The following SMYD3 variants were observed in gnomAD, a reference collection of about 807,000 sequenced individuals.
SMYD3 encodes the protein SET and MYND domain containing 3.
SMYD3 carries 36 observed loss-of-function variants against 57.7 expected under a neutral mutation model. The ratio of observed to expected loss-of-function variants is 0.62; its 90% CI spans 0.48 to 0.82. SMYD3 has a LOEUF of 0.82. Among genes scored for constraint, SMYD3 ranks in the 40% least tolerant of loss-of-function variants. The pLI, the probability that SMYD3 is intolerant of heterozygous loss-of-function variation, is 0.00. For synonymous variants in SMYD3, 211 were observed against 195.0 expected, an observed-to-expected ratio of 1.08 and a Z score of -0.68; for missense variants, 515 against 538.8, an observed-to-expected ratio of 0.96 and a Z score of 0.44.
chr1:245,950,379 T>G (rs1223728955), intron 5 of SMYD3, among the ~76,000 whole-genome samples: 1 of 152,198 alleles, frequency 6.6e-6, no homozygotes, highest in Non-Finnish European at 1.5e-5. Context: ...TCCCTGTACC[T>G]ATCGCCATGG....
At chr1:246,010,573 G>A (rs1572887315) in intron 5 of SMYD3, among the ~76,000 whole-genome samples, 1 of 152,198 alleles carries the variant, frequency 6.6e-6, no homozygotes, top group Non-Finnish European at 1.5e-5. Flanking sequence ...TTGGCAAGCA[G>A]CTGAGTTATC....
At chr1:245,846,702 T>C (rs2050682258) in intron 10 of SMYD3, among the ~76,000 whole-genome samples, 1 of 152,132 alleles carries the variant, frequency 6.6e-6, no homozygotes, top group Non-Finnish European at 1.5e-5. Context: ...TCTTAATAAA[T>C]AACAGCAATT....
rs150364154 is a variant in SMYD3 at position 246,473,279 on chromosome 1, T to C, written c.164+33775A>G. 4.2e-3 allele frequency among the ~76,000 whole-genome samples: 641 copies of C among 152,332 alleles called. 2 individuals carry two copies. Among genetic ancestry groups the C allele is most frequent in the African/African-American group, 0.014 (598 of 41,588 alleles). On this transcript the variant is annotated intron_variant, in intron 1 of 11. Coordinates refer to ENST00000490107, the MANE Select transcript of SMYD3 (RefSeq NM_001167740.2). ...GTTAACTGGTTCTACATCTTGGAGA[T>C]AAATAGCACTTCAGCAGTTTGAGTT...
At chr1:246,131,218 G>C (rs1019542931) in intron 5 of SMYD3, among the ~76,000 whole-genome samples, 2 of 152,088 alleles carry the variant, frequency 1.3e-5, no homozygotes, top group East Asian at 3.8e-4. Context: ...TATTATAGGG[G>C]GTTGCCTCCA....
At chr1:245,947,288 G>T in intron 5 of SMYD3, 1 of 439,676 alleles carries the variant, frequency 2.3e-6, no homozygotes, top group Non-Finnish European at 4.6e-6. Context: ...GGAAGAAACA[G>T]AAAATGAAGC....
chr1:246,364,798 CCAAA>C (rs1340012521), intron 1 of SMYD3, among the ~76,000 whole-genome samples: 1 of 152,180 alleles, frequency 6.6e-6, no homozygotes, highest in Non-Finnish European at 1.5e-5. Context: ...CAAGCCAAAC[CCAAA>C]CAATCGGGCC....
At chr1:245,995,708 G>C (rs1382351385) in intron 5 of SMYD3, among the ~76,000 whole-genome samples, 1 of 152,246 alleles carries the variant, frequency 6.6e-6, no homozygotes, top group Admixed American at 6.5e-5. Context: ...CGGAGCAGGG[G>C]CCTAGGCCCC....
intron 10 of SMYD3, among the ~76,000 whole-genome samples, chr1:245,765,951 A>G (rs959350327): frequency 6.6e-6 from 1 of 152,140 alleles, no homozygotes; most frequent in Non-Finnish European, 1.5e-5. Flanking sequence ...AAATGCACAC[A>G]TATCTGCAAA....
At chr1:245,785,433 A>G (rs533099789) in intron 10 of SMYD3, among the ~76,000 whole-genome samples, 1 of 152,244 alleles carries the variant, frequency 6.6e-6, no homozygotes, top group South Asian at 2.1e-4. Flanking sequence ...GGAAGGTTCT[A>G]TTATACTTGC....
chr1:246,457,404 G>A (rs977251215), intron 1 of SMYD3, among the ~76,000 whole-genome samples: 6 of 151,712 alleles, frequency 4.0e-5, no homozygotes, highest in Non-Finnish European at 5.9e-5. Flanking sequence ...ATGATGGCAG[G>A]CACCTGTAAT....
intron 1 of SMYD3, among the ~76,000 whole-genome samples, chr1:246,379,533 A>G (rs760230570): frequency 3.3e-5 from 5 of 152,208 alleles, no homozygotes; most frequent in Non-Finnish European, 5.9e-5. Flanking sequence ...GGTCCTTCAC[A>G]TATCTAACAA....
intron 8 of SMYD3, among the ~76,000 whole-genome samples, chr1:245,908,154 A>C (rs906678448): frequency 4.6e-5 from 7 of 152,048 alleles, no homozygotes; most frequent in African/African-American, 1.7e-4. Flanking sequence ...AAGTGAAGGG[A>C]TGACAAACAA....
At chr1:246,307,066 G>A (rs1572360851) in intron 5 of SMYD3, among the ~76,000 whole-genome samples, 1 of 152,092 alleles carries the variant, frequency 6.6e-6, no homozygotes, top group South Asian at 2.1e-4. Context: ...GGTAAAAACA[G>A]GAGAAGCCTA....
chr1:246,025,737 G>A (rs1185032537), intron 5 of SMYD3, among the ~76,000 whole-genome samples: 1 of 152,164 alleles, frequency 6.6e-6, no homozygotes, highest in African/African-American at 2.4e-5. Context: ...AGTGATGTAT[G>A]ATTAAGCTCA....
intron 5 of SMYD3, among the ~76,000 whole-genome samples, chr1:246,237,850 CCTG>C (rs1174955876): frequency 6.6e-6 from 1 of 150,380 alleles, no homozygotes; most frequent in African/African-American, 2.4e-5. Flanking sequence ...AGTTGTTTTA[CCTG>C]CTGCATTATT....
chr1:246,460,424 G>A (rs1327668744), intron 1 of SMYD3, among the ~76,000 whole-genome samples: 6 of 152,128 alleles, frequency 3.9e-5, no homozygotes, highest in Non-Finnish European at 2.9e-5. Context: ...TGTCCTGAGA[G>A]GAACTTTTTA....
chr1:245,791,777 ACCT>A (rs1365384239), intron 10 of SMYD3, among the ~76,000 whole-genome samples: 1 of 150,346 alleles, frequency 6.7e-6, no homozygotes, highest in African/African-American at 2.5e-5. Flanking sequence ...GCCACTGAAA[ACCT>A]CCTCCTCTTG....
intron 8 of SMYD3, among the ~76,000 whole-genome samples, chr1:245,883,347 A>G (rs1349680972): frequency 6.6e-6 from 1 of 152,224 alleles, no homozygotes; most frequent in African/African-American, 2.4e-5. Flanking sequence ...AAACTTGACA[A>G]GAGTGCCTTG....
intron 5 of SMYD3, among the ~76,000 whole-genome samples, chr1:246,045,555 T>C (rs2059948891): frequency 6.6e-6 from 1 of 151,934 alleles, no homozygotes; most frequent in South Asian, 2.1e-4. Flanking sequence ...GCAATACCAT[T>C]CAGGACATAG....
Sources: gnomAD v4.1 joint callset for allele counts (sites outside exome capture counted in the v4.1 genomes callset) on GRCh38, gnomAD v4.1.1 for gene constraint, MANE v1.5 for transcripts, NCBI Gene and HGNC (gene_info 2026-07-23, HGNC 2026-07-21) for gene names.